ZNF280B: variants seen among roughly 807,000 people sequenced by gnomAD.
ZNF280B encodes zinc finger protein 280B.
In ZNF280B, 16 loss-of-function variants were observed where a neutral mutation model predicts 38.0. The observed-to-expected ratio is 0.42, with a 90% CI of 0.28 to 0.64. The LOEUF is 0.64. Ranked by LOEUF, ZNF280B falls within the 30% of genes least tolerant of loss-of-function variation. The pLI, the probability that ZNF280B is intolerant of heterozygous loss-of-function variation, is 0.21. For missense variants in ZNF280B, 581 were observed against 639.6 expected (o/e 0.91, Z 0.99); for synonymous variants, 253 against 230.6 (o/e 1.10, Z -0.88).
At chr22:22,490,237 A>T (rs1175648380) in intron 3 of ZNF280B, among the ~76,000 whole-genome samples, 1 of 151,816 alleles carries the variant, frequency 6.6e-6, no homozygotes, top group Admixed American at 6.6e-5. Flanking sequence ...CTTCCTCCTC[A>T]ATCTCTTCTC....
Position 22,488,693 on chromosome 22 carries a change from G to A in ZNF280B, c.706C>T (p.Pro236Ser), listed in dbSNP as rs376738011. Residue 236 changes from proline to serine, a missense_variant, in exon 4 of 4, where the codon CCA becomes TCA. Transcript: ENST00000626650. ...ATATTGTCCTTTGGAAAAGCTGCTG[G>A]AAAAGGTGCTCCATTCTGAACATGG... Reference protein sequence around the residue: ...LSHVQNGAPFPAAFPKDNIHF... With the variant: ...LSHVQNGAPFSAAFPKDNIHF... 77 of 1,613,732 alleles carry A rather than the reference G, an allele frequency of 4.8e-5. No homozygotes were observed. The highest frequency in any genetic ancestry group is 1.2e-4 in the Admixed American group (7 of 59,956).
intron 2 of ZNF280B, among the ~76,000 whole-genome samples, chr22:22,496,128 A>G (rs960329265): frequency 5.4e-5 from 5 of 92,220 alleles, no homozygotes; most frequent in Admixed American, 3.8e-4. Flanking sequence ...TTTTTTTTTA[A>G]GATGGAGTCT....
chr22:22,500,266 G>A lies in ZNF280B; in HGVS notation c.-186-6086C>T, dbSNP rs75937630. 4.7e-3 allele frequency among the ~76,000 whole-genome samples: 716 copies of A among 151,866 alleles called. 5 individuals are homozygous for A. The highest frequency in any genetic ancestry group is 6.9e-3 in the Non-Finnish European group (472 of 67,972). On this transcript the variant is annotated intron_variant, in intron 2 of 3. Coordinates refer to ENST00000626650, the MANE Select transcript of ZNF280B (RefSeq NM_080764.4). ...CTAAAATAATTGAAAGCAGGGTCTC[G>A]AAGAGATACTGGCACACCCATGTTC... is the stretch of plus-strand genomic sequence containing the variant.
chr22:22,492,117 G>T (rs1601705747), intron 3 of ZNF280B, among the ~76,000 whole-genome samples: 1 of 151,838 alleles, frequency 6.6e-6, no homozygotes, highest in Non-Finnish European at 1.5e-5. Flanking sequence ...ATTTAAAAAG[G>T]AATACAATAT....
chr22:22,507,596 C>A (rs2061966019), intron 2 of ZNF280B, among the ~76,000 whole-genome samples: 1 of 151,130 alleles, frequency 6.6e-6, no homozygotes, highest in Non-Finnish European at 1.5e-5. Flanking sequence ...AATGCCACTA[C>A]CACCCTCTCC....
intron 2 of ZNF280B, among the ~76,000 whole-genome samples, chr22:22,496,685 G>A (rs908791138): frequency 3.3e-5 from 5 of 151,840 alleles, no homozygotes; most frequent in African/African-American, 1.2e-4. Context: ...GAAAGTGATA[G>A]GCAAGGGAAG....
chr22:22,498,801 T>TTTTTTTC (rs2061754209), intron 2 of ZNF280B, among the ~76,000 whole-genome samples: 1 of 136,960 alleles, frequency 7.3e-6, no homozygotes, highest in African/African-American at 2.7e-5. Context: ...TCCTTTTTTT[T>TTTTTTTC]TTTTTTTTTT....
intron 2 of ZNF280B, among the ~76,000 whole-genome samples, chr22:22,503,751 G>C (rs1486123346): frequency 6.6e-6 from 1 of 151,960 alleles, no homozygotes; most frequent in Non-Finnish European, 1.5e-5. Flanking sequence ...ATTATGGATA[G>C]TGCCACTCTT....
At chr22:22,508,557 G>A (rs1408879313) in intron 1 of ZNF280B, 102 bp downstream of exon 1, 1 of 152,002 alleles carries the variant, frequency 6.6e-6, no homozygotes, top group African/African-American at 2.4e-5. Context: ...GGCAGCGCAC[G>A]GCCAAGCGCG....
rs577542936 is a variant in ZNF280B at position 22,503,004 on chromosome 22, A to C, written c.-187+4806T>G. Among the ~76,000 whole-genome samples, 281 of 152,110 alleles carry C rather than the reference A, an allele frequency of 1.8e-3. 3 individuals carry two copies. The highest frequency in any genetic ancestry group is 2.6e-3 in the Non-Finnish European group (180 of 68,012). ...TGATGTGAAGACAGAAGCAAAGATTAGAGTGACATGGTCACAAGCCAAAGA... is the reference window on the plus strand; with the variant it reads ...TGATGTGAAGACAGAAGCAAAGATTCGAGTGACATGGTCACAAGCCAAAGA... On this transcript the variant is annotated intron_variant, in intron 2 of 3. Coordinates refer to ENST00000626650, the MANE Select transcript of ZNF280B (RefSeq NM_080764.4).
intron 2 of ZNF280B, among the ~76,000 whole-genome samples, chr22:22,497,781 C>T (rs1223467305): frequency 6.6e-6 from 1 of 151,860 alleles, no homozygotes; most frequent in African/African-American, 2.4e-5. Flanking sequence ...TTAACGAAAG[C>T]TTGTAAAACT....
Position 22,489,278 on chromosome 22 carries a change from C to A in ZNF280B, c.121G>T (p.Asp41Tyr). The A allele has an allele frequency of 6.2e-7, 1 of 1,613,876 alleles. No individual in the cohort carries two copies. The highest frequency in any genetic ancestry group is 8.5e-7 in the Non-Finnish European group (1 of 1,179,960). The change falls in exon 4 of 4, where the codon GAT becomes TAT. Residue 41 changes from aspartate (D) to tyrosine (Y), a missense_variant. Asp to Tyr is a radical substitution (Grantham distance 160). Coordinates refer to ENST00000626650, the MANE Select transcript of ZNF280B (RefSeq NM_080764.4). ...ACCCCAACAAAGATTAGCTCAGCAT[C>A]TTCATTTACATGTTCCACACCAACA... ...IFVGVEHVNE[D>Y]AELIFVGVTS...
chr22:22,496,210 C>T (rs1228904586), intron 2 of ZNF280B, among the ~76,000 whole-genome samples: 1 of 150,124 alleles, frequency 6.7e-6, no homozygotes, highest in Non-Finnish European at 1.5e-5. Flanking sequence ...GATGCTTGTG[C>T]CTCAGCCTCC....
intron 2 of ZNF280B, among the ~76,000 whole-genome samples, chr22:22,494,601 A>G (rs1347318654): frequency 6.6e-6 from 1 of 151,968 alleles, no homozygotes; most frequent in Non-Finnish European, 1.5e-5. Flanking sequence ...GTCCTCAAAA[A>G]TCAATTCTCA....
At position 22,489,052 on chromosome 22, in the gene ZNF280B, ATAGGACTAT is replaced by A. The variant is rs1224866457; in HGVS notation, c.338_346del (p.Asp113_Ile116delinsVal). The A allele has an allele frequency of 1.9e-6, 3 of 1,613,914 alleles. No homozygotes were observed. The highest frequency in any genetic ancestry group is 2.5e-6 in the Non-Finnish European group (3 of 1,179,968). ...AGGTTTAGACAAAGGCTCAATAATA[ATAGGACTAT>A]CTGTTGATCTCGATTCAAGTTGGGA... On this transcript the variant is annotated inframe_deletion, in exon 4 of 4. Coordinates refer to ENST00000626650, the MANE Select transcript of ZNF280B (RefSeq NM_080764.4).
intron 3 of ZNF280B, among the ~76,000 whole-genome samples, chr22:22,493,200 G>T (rs1007270079): frequency 8.6e-5 from 13 of 151,744 alleles, no homozygotes; most frequent in Admixed American, 3.9e-4. Flanking sequence ...GTAGAGACGG[G>T]GTTTCACCAT....
At chr22:22,503,195 A>C (rs2061860252) in intron 2 of ZNF280B, among the ~76,000 whole-genome samples, 1 of 151,922 alleles carries the variant, frequency 6.6e-6, no homozygotes, top group Non-Finnish European at 1.5e-5. Context: ...TATGCCACCA[A>C]GTTTGTGATA....
chr22:22,507,352 A>G (rs1325131043), intron 2 of ZNF280B, among the ~76,000 whole-genome samples: 1 of 151,970 alleles, frequency 6.6e-6, no homozygotes, highest in Non-Finnish European at 1.5e-5. Context: ...ACGGCAATAG[A>G]TAACTAATAC....
intron 2 of ZNF280B, among the ~76,000 whole-genome samples, chr22:22,507,510 GGATAA>G (rs2061962746): frequency 6.6e-6 from 1 of 151,192 alleles, no homozygotes; most frequent in Non-Finnish European, 1.5e-5. Context: ...AAAGAGGGTA[GGATAA>G]AAGGAGTCAG....
Sources: allele counts gnomAD v4.1 joint callset (sites outside exome capture counted in the v4.1 genomes callset), GRCh38; gene constraint gnomAD v4.1.1; transcripts MANE v1.5; gene names NCBI Gene and HGNC (gene_info 2026-07-23, HGNC 2026-07-21).